MAP2K2: variants seen among roughly 807,000 people sequenced by gnomAD.
The protein encoded by MAP2K2 is dual specificity mitogen-activated protein kinase kinase 2.
In MAP2K2, 24 loss-of-function variants were observed where a neutral mutation model predicts 43.7. The ratio of observed to expected loss-of-function variants is 0.55; its 90% CI spans 0.40 to 0.77. The LOEUF is 0.77. Among genes scored for constraint, MAP2K2 ranks in the 30% least tolerant of loss-of-function variants. The probability of loss-of-function intolerance (pLI) is 0.00; values close to 1 mark genes in which losing one functional copy is unlikely to be tolerated. For missense variants in MAP2K2, 470 were observed against 566.8 expected, an observed-to-expected ratio of 0.83 and a Z score of 1.73; for synonymous variants, 244 against 239.7, an observed-to-expected ratio of 1.02 and a Z score of -0.17.
intron 7 of MAP2K2, 76 bp downstream of exon 7, chr19:4,099,125 G>C: frequency 7.7e-7 from 1 of 1,301,518 alleles, no homozygotes; most frequent in Non-Finnish European, 1.1e-6. Context: ...AGGGGAGGCA[G>C]CTGCTGACCC....
In MAP2K2 at chr19:4,123,780, T is replaced by A; in HGVS notation, c.92+4A>T. 1 of 1,541,074 alleles carries A rather than the reference T, an allele frequency of 6.5e-7. No homozygotes were observed. On this transcript the variant is annotated splice_donor_region_variant and intron_variant, in intron 1 of 10. Transcript: ENST00000262948. ...AAGCCTCCGGCTGACCCCTGCCCAC[T>A]CACTCGGAGGCGCCCTCGCTGGTAG...
At chr19:4,100,992 TG>T (rs2145053543) in intron 6 of MAP2K2, 26 bp downstream of exon 6, 1 of 1,543,926 alleles carries the variant, frequency 6.5e-7, no homozygotes, top group South Asian at 1.2e-5. Flanking sequence ...GGAGGAGAGC[TG>T]GAGGGGAGAG....
chr19:4,090,842 G>A, intron 10 of MAP2K2, 134 bp from the exon 11 acceptor site: 2 of 719,960 alleles, frequency 2.8e-6, no homozygotes, highest in East Asian at 5.4e-5. Flanking sequence ...CTTCCCCACA[G>A]GAAGACGCAC....
Position 4,114,254 on chromosome 19 carries a change from G to T in MAP2K2, c.303+3165C>A, listed in dbSNP as rs1428778245. ...AGCAGATCCAAGAGGGTTCGAATCC[G>T]ATTCAGGCACTGACCCCACACAGCC... On this transcript the variant is annotated intron_variant, in intron 2 of 10. Transcript: ENST00000262948. Among the ~76,000 whole-genome samples the T allele has an allele frequency of 2.6e-5, 4 of 152,320 alleles. No individual in the cohort carries two copies. The East Asian group carries it at 7.7e-4, about 29-fold the overall frequency.
chr19:4,093,780 C>G (rs535759198), intron 10 of MAP2K2, among the ~76,000 whole-genome samples: 101 of 152,310 alleles, frequency 6.6e-4, no homozygotes, highest in Non-Finnish European at 1.1e-3. Context: ...TCTTTTCTTA[C>G]AGGCACAGAA....
chr19:4,092,171 G>A (rs185224128), intron 10 of MAP2K2, among the ~76,000 whole-genome samples: 72 of 152,356 alleles, frequency 4.7e-4, no homozygotes, highest in African/African-American at 1.5e-3. Flanking sequence ...TTTTGCAGCT[G>A]GAGGCAGGCC....
In MAP2K2 at chr19:4,101,035, G is replaced by A. The variant is rs369714097; in HGVS notation, c.689C>T (p.Thr230Met). 8 of 1,565,708 alleles carry A rather than the reference G, an allele frequency of 5.1e-6. No individual in the cohort carries two copies. Among genetic ancestry groups the A allele is most frequent in the African/African-American group, 1.4e-5 (1 of 73,496 alleles). ...IDSMANSFVG[T>M]RSYMAPERLQ... ...GGGACTCACAGCCATGTAGGAGCGC[G>A]TGCCCACGAAGGAGTTGGCCATGGA... Residue 230 changes from threonine (T) to methionine (M), a missense_variant, in exon 6 of 11, where the codon ACG becomes ATG. Thr to Met is a moderately conservative substitution (Grantham distance 81). Transcript: ENST00000262948. The surrounding 1 kb of genome is among the most constrained non-coding windows in gnomAD (Gnocchi z 6.3).
At chr19:4,117,304 A>G (rs1293146744) in intron 2 of MAP2K2, 115 bp downstream of exon 2, 2 of 1,017,464 alleles carry the variant, frequency 2.0e-6, no homozygotes, top group Admixed American at 4.0e-5. Context: ...GGGATGAGGG[A>G]CAGAGCCTGG....
intron 2 of MAP2K2, among the ~76,000 whole-genome samples, chr19:4,114,058 T>G (rs2041189906): frequency 6.6e-6 from 1 of 152,198 alleles, no homozygotes; most frequent in African/African-American, 2.4e-5. Context: ...TTTGGGAGGC[T>G]GAGGCGGGAG....
At chr19:4,118,166 G>A (rs565908387) in intron 1 of MAP2K2, among the ~76,000 whole-genome samples, 2 of 152,304 alleles carry the variant, frequency 1.3e-5, no homozygotes, top group Admixed American at 6.5e-5. Flanking sequence ...TCCAACTCCT[G>A]ACATTGAGTG....
chr19:4,102,242 C>T (rs2041022741), intron 4 of MAP2K2, 134 bp downstream of exon 4: 11 of 775,332 alleles, frequency 1.4e-5, no homozygotes, highest in South Asian at 1.3e-4. Context: ...GTGGGCACAG[C>T]CTTGGCCACT....
chr19:4,117,540 T>A lies in MAP2K2; in HGVS notation c.182A>T (p.Lys61Ile). 1 of 1,614,140 alleles carries A rather than the reference T, an allele frequency of 6.2e-7. No homozygotes were observed. The highest frequency in any genetic ancestry group is 8.5e-7 in the Non-Finnish European group (1 of 1,180,026). The stretch of plus-strand genomic sequence containing the variant: ...GTCTTTGAGTTCGCCGACCTTGGCT[T>A]TCTGGGTGAGAAAGGCTTCCAGCCG... The part of the protein sequence containing the change: ...KKRLEAFLTQ[K>I]AKVGELKDDD... Residue 61 changes from lysine to isoleucine, a missense_variant, in exon 2 of 11, where the codon AAA becomes ATA. Transcript: ENST00000262948.
intron 3 of MAP2K2, among the ~76,000 whole-genome samples, chr19:4,104,265 TA>T (rs565822542): frequency 3.9e-3 from 378 of 97,328 alleles, no homozygotes; most frequent in African/African-American, 7.6e-3. Flanking sequence ...ACTCCTCAAT[TA>T]AAAAAAAAAA....
chr19:4,107,468 G>A (rs1439715816), intron 3 of MAP2K2, among the ~76,000 whole-genome samples: 1 of 145,094 alleles, frequency 6.9e-6, no homozygotes, highest in Non-Finnish European at 1.5e-5. Context: ...AGCTTGCAGT[G>A]AGCCAAGATT....
chr19:4,094,141 T>G (rs2040881196), intron 10 of MAP2K2, among the ~76,000 whole-genome samples: 1 of 152,154 alleles, frequency 6.6e-6, no homozygotes, highest in South Asian at 2.1e-4. Context: ...CAGCCTCTCA[T>G]GAGGGCAAAG....
chr19:4,105,196 GTGTGTGTGA>G (rs1294660981), intron 3 of MAP2K2, among the ~76,000 whole-genome samples: 1 of 114,130 alleles, frequency 8.8e-6, no homozygotes, highest in Non-Finnish European at 2.0e-5. Flanking sequence ...GTGTGTGTGT[GTGTGTGTGA>G]TGTTTAAAAT....
intron 2 of MAP2K2, among the ~76,000 whole-genome samples, chr19:4,117,005 C>G (rs1426687074): frequency 6.6e-6 from 1 of 152,228 alleles, no homozygotes; most frequent in Non-Finnish European, 1.5e-5. Flanking sequence ...TACGTCGCCA[C>G]CGCTGCGTAG....
intron 3 of MAP2K2, among the ~76,000 whole-genome samples, chr19:4,108,558 G>A (rs994778238): frequency 2.6e-5 from 4 of 151,886 alleles, no homozygotes; most frequent in African/African-American, 9.7e-5. Flanking sequence ...AGACCACCTC[G>A]GAACTTTTAA....
rs587781027 is a variant in MAP2K2 at position 4,099,295 on chromosome 19, C to T, written c.825G>A (p.Leu275=). 62 of 1,607,506 alleles carry T rather than the reference C, an allele frequency of 3.9e-5. No individual in the cohort carries two copies. In the East Asian group the frequency reaches 1.3e-3, roughly 35 times the overall value. Residue 275 remains leucine (L), a synonymous_variant, in exon 7 of 11, where the codon CTG becomes CTA. Coordinates refer to ENST00000262948, the MANE Select transcript of MAP2K2 (RefSeq NM_030662.4). ...CCACGGGCCGGCCAAAGATGGCCTC[C>T]AGCTCTTTGGCGTCGGGCGGGGGGA... is the stretch of plus-strand genomic sequence containing the variant. The part of the protein sequence containing the change: ...YPIPPPDAKE[L]EAIFGRPVVD...
Sources: allele counts gnomAD v4.1 joint callset (sites outside exome capture counted in the v4.1 genomes callset), GRCh38; gene constraint gnomAD v4.1.1; non-coding constraint Gnocchi (gnomAD v3.1); transcripts MANE v1.5; gene names NCBI Gene and HGNC (gene_info 2026-07-23, HGNC 2026-07-21).